Variants in KAZN observed in about 807,000 individuals in gnomAD.
KAZN encodes kazrin.
KAZN carries 40 observed loss-of-function variants against 87.4 expected under a neutral mutation model. The ratio of observed to expected loss-of-function variants is 0.46; its 90% CI spans 0.36 to 0.60. The LOEUF is 0.60. KAZN is among the 20% of genes least tolerant of loss of function. The probability of loss-of-function intolerance (pLI) is 0.00; values close to 1 mark genes in which losing one functional copy is unlikely to be tolerated. For synonymous variants in KAZN, 466 were observed against 458.3 expected, an observed-to-expected ratio of 1.02 and a Z score of -0.22; for missense variants, 898 against 1,073.9, an observed-to-expected ratio of 0.84 and a Z score of 2.29.
At chr1:14,570,433 C>G (rs995770645) in intron 2 of KAZN, among the ~76,000 whole-genome samples, 1 of 152,150 alleles carries the variant, frequency 6.6e-6, no homozygotes, top group South Asian at 2.1e-4. Flanking sequence ...CACCACTGAT[C>G]GACTTTCTGT....
chr1:14,394,690 C>G (rs1041768194), intron 2 of KAZN, among the ~76,000 whole-genome samples: 2 of 152,228 alleles, frequency 1.3e-5, no homozygotes, highest in African/African-American at 4.8e-5. Context: ...TTTCCCTCCA[C>G]TGAAGAAGGG....
At chr1:14,200,409 A>G (rs2100402819) in intron 2 of KAZN, among the ~76,000 whole-genome samples, 1 of 152,308 alleles carries the variant, frequency 6.6e-6, no homozygotes, top group East Asian at 1.9e-4. Context: ...TTTCACAACT[A>G]GTAGGGGAAA....
intron 1 of KAZN, among the ~76,000 whole-genome samples, chr1:14,804,842 C>G (rs1298206223): frequency 6.6e-6 from 1 of 152,134 alleles, no homozygotes; most frequent in East Asian, 1.9e-4. Flanking sequence ...ACGGCTCCCT[C>G]TGGGGACCCC....
intron 1 of KAZN, among the ~76,000 whole-genome samples, chr1:14,952,439 CTATAAAAATGAG>C (rs1194992956): frequency 6.6e-6 from 1 of 151,974 alleles, no homozygotes; most frequent in Non-Finnish European, 1.5e-5. Context: ...GCAGGGAGGG[CTATAAAAATGAG>C]TTTTTAATGG....
At chr1:13,961,943 C>T (rs1236663118) in intron 1 of KAZN, among the ~76,000 whole-genome samples, 1 of 152,234 alleles carries the variant, frequency 6.6e-6, no homozygotes, top group Non-Finnish European at 1.5e-5. Context: ...CCCTCAGGGC[C>T]TTTGCACCTG....
chr1:14,902,383 A>G (rs1327843898), intron 1 of KAZN, among the ~76,000 whole-genome samples: 1 of 151,336 alleles, frequency 6.6e-6, no homozygotes, highest in Non-Finnish European at 1.5e-5. Context: ...CCGCCACCAC[A>G]CCCGGCTAAT....
Position 14,251,643 on chromosome 1 carries a change from CTTTTTTTTTTT to C in KAZN, c.249+71066_249+71076del, listed in dbSNP as rs549092023. ...AGGCACAGTGAAAAGTTCTCCCGGA[CTTTTTTTTTTT>C]TTTTTTTTTTTTTTGACACAGGGTC... On this transcript the variant is annotated intron_variant, in intron 2 of 16. Transcript: ENST00000636203. 8.9e-5 allele frequency among the ~76,000 whole-genome samples: 8 copies of C among 90,368 alleles called. 1 individual carries two copies. Among genetic ancestry groups the C allele is most frequent in the Admixed American group, 5.1e-4 (4 of 7,790 alleles). 59.3% of individuals were successfully genotyped at this position (90,368 alleles called of 152,430 possible).
intron 2 of KAZN, among the ~76,000 whole-genome samples, chr1:14,570,840 G>A (rs954935778): frequency 5.3e-5 from 8 of 151,998 alleles, no homozygotes; most frequent in Non-Finnish European, 7.4e-5. Context: ...TCTTATATTC[G>A]CACCAGCAAT....
chr1:14,889,721 A>G (rs1654492941), intron 1 of KAZN, among the ~76,000 whole-genome samples: 1 of 152,202 alleles, frequency 6.6e-6, no homozygotes, highest in South Asian at 2.1e-4. Context: ...ACACTTTTAA[A>G]TGGTTGAAAA....
intron 2 of KAZN, among the ~76,000 whole-genome samples, chr1:14,219,369 G>A (rs1393494130): frequency 6.6e-6 from 1 of 152,134 alleles, no homozygotes; most frequent in Non-Finnish European, 1.5e-5. Flanking sequence ...TGGTTACAAA[G>A]TGTTGACCTT....
At chr1:15,012,141 G>A (rs551588894) in intron 2 of KAZN, among the ~76,000 whole-genome samples, 2 of 152,262 alleles carry the variant, frequency 1.3e-5, no homozygotes, top group East Asian at 1.9e-4. Context: ...AGGAAACAGA[G>A]GCCCAGAGAA....
chr1:14,467,973 C>T (rs1031094829), intron 2 of KAZN, among the ~76,000 whole-genome samples: 1 of 152,148 alleles, frequency 6.6e-6, no homozygotes, highest in Non-Finnish European at 1.5e-5. Context: ...AAATCACGTG[C>T]TCTTCTCTGG....
intron 2 of KAZN, among the ~76,000 whole-genome samples, chr1:14,382,069 C>T (rs181575372): frequency 1.3e-5 from 2 of 152,082 alleles, no homozygotes; most frequent in East Asian, 3.9e-4. Flanking sequence ...GAAAGTAATC[C>T]CACTGACAAT....
chr1:14,415,084 T>C (rs1454901001), intron 2 of KAZN, among the ~76,000 whole-genome samples: 1 of 152,148 alleles, frequency 6.6e-6, no homozygotes, highest in Non-Finnish European at 1.5e-5. Flanking sequence ...GGAGCTTCAA[T>C]TGTATCTACA....
At chr1:14,303,430 G>C (rs971889911) in intron 2 of KAZN, among the ~76,000 whole-genome samples, 44 of 152,150 alleles carry the variant, frequency 2.9e-4, no homozygotes, top group African/African-American at 9.9e-4. Flanking sequence ...ATTTTTAGAA[G>C]AGACTGGGTT....
intron 4 of KAZN, among the ~76,000 whole-genome samples, chr1:15,048,562 C>G (rs888631328): frequency 2.0e-5 from 3 of 152,130 alleles, no homozygotes; most frequent in African/African-American, 7.2e-5. Flanking sequence ...GTTGTTGGTC[C>G]TGGGTCGTTG....
chr1:14,985,114 C>T lies in KAZN; in HGVS notation c.418+24239C>T, dbSNP rs565372689. On this transcript the variant is annotated intron_variant, in intron 2 of 14. Coordinates refer to ENST00000376030, the MANE Select transcript of KAZN (RefSeq NM_201628.3). ...TCATGCCACTGCACTCCAGCCTGGG[C>T]GACAGAGCAAGACTCTGTCTCAAAA... Among the ~76,000 whole-genome samples, 309 of 137,198 alleles carry T rather than the reference C, an allele frequency of 2.3e-3. 5 individuals are homozygous for T. The highest frequency in any genetic ancestry group is 0.018 in the Admixed American group (249 of 13,528). 90.0% of individuals were successfully genotyped at this position (137,198 alleles called of 152,430 possible). A position where few individuals can be genotyped will look rare whatever the true frequency, so the allele number is the denominator to read the frequency against.
chr1:14,799,701 G>A (rs542873252), intron 1 of KAZN, among the ~76,000 whole-genome samples: 1 of 152,212 alleles, frequency 6.6e-6, no homozygotes, highest in African/African-American at 2.4e-5. Flanking sequence ...GGTGGGCTCA[G>A]GATATAATTA....
At chr1:15,097,830 C>T (rs1640867890) in intron 10 of KAZN, among the ~76,000 whole-genome samples, 1 of 152,012 alleles carries the variant, frequency 6.6e-6, no homozygotes, top group African/African-American at 2.4e-5. Context: ...AAAATAAAGT[C>T]GGAGAAAATT....
Sources: allele counts gnomAD v4.1 joint callset (sites outside exome capture counted in the v4.1 genomes callset), GRCh38; gene constraint gnomAD v4.1.1; transcripts MANE v1.5; gene names NCBI Gene and HGNC (gene_info 2026-07-23, HGNC 2026-07-21).